ATG4C: variants seen among roughly 807,000 people sequenced by gnomAD.
ATG4C encodes autophagy related 4C cysteine peptidase.
In ATG4C, 56 loss-of-function variants were observed where a neutral mutation model predicts 57.6. That is an observed-to-expected ratio of 0.97 (90% CI 0.78 to 1.21). The LOEUF (loss-of-function observed/expected upper bound fraction) is 1.21. ATG4C is among the 50% of genes most tolerant of loss of function. The pLI is 0.00. For missense variants in ATG4C, 595 were observed against 529.8 expected, an observed-to-expected ratio of 1.12 and a Z score of -1.21; for synonymous variants, 157 against 174.1, an observed-to-expected ratio of 0.90 and a Z score of 0.78.
intron 1 of ATG4C, among the ~76,000 whole-genome samples, chr1:62,799,778 T>C (rs925575947): frequency 2.6e-5 from 4 of 152,224 alleles, no homozygotes; most frequent in East Asian, 3.8e-4. Context: ...AATCCAGTTA[T>C]GCTCTTTTAG....
intron 1 of ATG4C, among the ~76,000 whole-genome samples, chr1:62,791,536 G>C (rs537568310): frequency 3.3e-5 from 5 of 152,232 alleles, no homozygotes; most frequent in Non-Finnish European, 5.9e-5. Flanking sequence ...ATTTGGTGAG[G>C]GCCTTCTTGC....
intron 3 of ATG4C, among the ~76,000 whole-genome samples, chr1:62,811,733 A>G (rs1053141174): frequency 6.6e-6 from 1 of 152,104 alleles, no homozygotes; most frequent in Admixed American, 6.6e-5. Context: ...TTTAACATCT[A>G]TCGTTGTGGA....
At chr1:62,801,138 A>G (rs2100291459) in intron 1 of ATG4C, among the ~76,000 whole-genome samples, 1 of 152,332 alleles carries the variant, frequency 6.6e-6, no homozygotes, top group Non-Finnish European at 1.5e-5. Flanking sequence ...GAGGAAGCTG[A>G]GTAAGTAGGC....
intron 6 of ATG4C, among the ~76,000 whole-genome samples, chr1:62,824,797 A>G (rs1330300884): frequency 6.6e-6 from 1 of 151,744 alleles, no homozygotes; most frequent in Non-Finnish European, 1.5e-5. Context: ...CTTCCCAAGT[A>G]ACTAGCATTA....
At chr1:62,819,730 A>G (rs968747792) in intron 5 of ATG4C, among the ~76,000 whole-genome samples, 1 of 152,010 alleles carries the variant, frequency 6.6e-6, no homozygotes, top group Admixed American at 6.6e-5. Flanking sequence ...GTCAAGAGCT[A>G]AAATTGATAT....
At chr1:62,838,483 A>G (rs1395052455) in intron 9 of ATG4C, among the ~76,000 whole-genome samples, 3 of 152,236 alleles carry the variant, frequency 2.0e-5, no homozygotes, top group Non-Finnish European at 2.9e-5. Flanking sequence ...TGGATGAACA[A>G]AATGATATGA....
chr1:62,837,656 C>G (rs1156290394), intron 9 of ATG4C, among the ~76,000 whole-genome samples: 1 of 152,112 alleles, frequency 6.6e-6, no homozygotes, highest in Non-Finnish European at 1.5e-5. Context: ...TTAGGAAATT[C>G]AGAAATATTG....
chr1:62,860,271 C>G (rs1666811084), intron 10 of ATG4C, among the ~76,000 whole-genome samples: 1 of 152,132 alleles, frequency 6.6e-6, no homozygotes, highest in Admixed American at 6.5e-5. Context: ...CTGCCTGAGG[C>G]TGTTCTACAG....
chr1:62,787,299 C>T (rs1048198996), intron 1 of ATG4C, among the ~76,000 whole-genome samples: 4 of 152,066 alleles, frequency 2.6e-5, no homozygotes, highest in Admixed American at 2.6e-4. Context: ...TACATGAAAG[C>T]ATCTGGAAAT....
chr1:62,804,276 G>A (rs1445410450), intron 2 of ATG4C, among the ~76,000 whole-genome samples: 1 of 151,874 alleles, frequency 6.6e-6, no homozygotes, highest in Non-Finnish European at 1.5e-5. Context: ...ATTTTTAGTA[G>A]AGATTGGGTT....
intron 10 of ATG4C, among the ~76,000 whole-genome samples, chr1:62,863,570 T>G (rs1328747985): frequency 1.3e-5 from 2 of 151,952 alleles, no homozygotes; most frequent in Non-Finnish European, 2.9e-5. Context: ...GAATGGACCT[T>G]CTGACTCAGT....
chr1:62,864,161 G>A lies in ATG4C; in HGVS notation c.*2G>A, dbSNP rs765300830. 1.3e-6 allele frequency: 2 copies of A among 1,594,050 alleles called. No homozygotes were observed. The highest frequency in any genetic ancestry group is 2.3e-5 in the South Asian group (2 of 86,466). On this transcript the variant is annotated 3_prime_UTR_variant, in exon 11 of 11. Transcript: ENST00000317868. ...ACGGAAGAGTTTGTCTTGCTTTAAA[G>A]ATTAGCACATTTGTGCTTGATAAGA... is the stretch of plus-strand genomic sequence containing the variant.
intron 1 of ATG4C, among the ~76,000 whole-genome samples, chr1:62,799,527 A>C (rs1490025726): frequency 6.6e-6 from 1 of 152,212 alleles, no homozygotes; most frequent in Non-Finnish European, 1.5e-5. Flanking sequence ...AAAAATAATG[A>C]AATAACAACT....
At chr1:62,825,678 C>T (rs369703569) in intron 6 of ATG4C, among the ~76,000 whole-genome samples, 32 of 152,124 alleles carry the variant, frequency 2.1e-4, no homozygotes, top group African/African-American at 6.8e-4. Context: ...ACTCCAGTTG[C>T]GTGTCCCTGT....
chr1:62,817,526 T>C (rs1000647985), intron 4 of ATG4C, among the ~76,000 whole-genome samples: 1 of 152,152 alleles, frequency 6.6e-6, no homozygotes, highest in African/African-American at 2.4e-5. Context: ...TTAAATTTTT[T>C]TGTAGAGATG....
At chr1:62,854,730 T>C (rs1212831948) in intron 10 of ATG4C, among the ~76,000 whole-genome samples, 1 of 152,240 alleles carries the variant, frequency 6.6e-6, no homozygotes, top group Admixed American at 6.5e-5. Context: ...ACTTTCATAC[T>C]AGGATGATCA....
chr1:62,820,812 G>A (rs1346074361), intron 5 of ATG4C, among the ~76,000 whole-genome samples: 1 of 152,056 alleles, frequency 6.6e-6, no homozygotes, highest in African/African-American at 2.4e-5. Flanking sequence ...AAATCTTGCA[G>A]CATATTCATA....
At chr1:62,831,402 C>T (rs937792499) in intron 7 of ATG4C, among the ~76,000 whole-genome samples, 1 of 152,088 alleles carries the variant, frequency 6.6e-6, no homozygotes, top group Non-Finnish European at 1.5e-5. Flanking sequence ...GTTGGTGAGT[C>T]TAAAATGTAC....
intron 10 of ATG4C, among the ~76,000 whole-genome samples, chr1:62,844,247 C>T (rs1232958782): frequency 6.6e-6 from 1 of 152,118 alleles, no homozygotes; most frequent in Non-Finnish European, 1.5e-5. Flanking sequence ...AATTTGAGAA[C>T]CACTTGCATA....
Sources: gnomAD v4.1 joint callset for allele counts (sites outside exome capture counted in the v4.1 genomes callset) on GRCh38, gnomAD v4.1.1 for gene constraint, MANE v1.5 for transcripts, NCBI Gene and HGNC (gene_info 2026-07-23, HGNC 2026-07-21) for gene names.